The following ZNF44 variants were observed in gnomAD, a reference collection of about 807,000 sequenced individuals.
The protein encoded by ZNF44 is gonadotropin inducible transcription repressor-2.
Under a neutral mutation model 11.7 loss-of-function variants are expected in ZNF44, and 9 were observed. The ratio of observed to expected loss-of-function variants is 0.77; its 90% CI spans 0.46 to 1.35. The LOEUF is 1.35. Among genes scored for constraint, ZNF44 ranks in the 40% most tolerant of loss-of-function variants. The probability of loss-of-function intolerance (pLI) is 0.00; values close to 1 mark genes in which losing one functional copy is unlikely to be tolerated. For synonymous variants in ZNF44, 224 were observed against 242.7 expected, an observed-to-expected ratio of 0.92 and a Z score of 0.72; for missense variants, 696 against 743.1, an observed-to-expected ratio of 0.94 and a Z score of 0.74.
downstream of ZNF44, chr19:12,271,691 T>C (rs2145718545): frequency 6.6e-6 from 1 of 152,296 alleles, no homozygotes; most frequent in African/African-American, 2.4e-5. Context: ...AACAAGAAAC[T>C]GTAACATTAT....
chr19:12,268,616 C>T (rs1452900122), downstream of ZNF44, among the ~76,000 whole-genome samples: 1 of 152,170 alleles, frequency 6.6e-6, no homozygotes, highest in Non-Finnish European at 1.5e-5. Context: ...CAGGGTCTCA[C>T]TCTGTCACCC....
At chr19:12,254,582 A>C (rs1917162939) in intron 5 of ZNF44, among the ~76,000 whole-genome samples, 1 of 152,134 alleles carries the variant, frequency 6.6e-6, no homozygotes, top group Non-Finnish European at 1.5e-5. Flanking sequence ...AAAATACAAA[A>C]AAATCAGACA....
chr19:12,231,963 A>T (rs1454554480), intron 2 of ZNF44, among the ~76,000 whole-genome samples: 1 of 152,232 alleles, frequency 6.6e-6, no homozygotes, highest in African/African-American at 2.4e-5. Context: ...AGTTCAGCAT[A>T]TGGAGGATCC....
upstream of ZNF44, among the ~76,000 whole-genome samples, chr19:12,238,422 C>G (rs1332140404): frequency 2.0e-5 from 3 of 151,924 alleles, no homozygotes; most frequent in Non-Finnish European, 1.5e-5. Context: ...GTCAAGAGAT[C>G]AAGACTATCC....
chr19:12,286,503 G>A lies in ZNF44; in HGVS notation c.3+8189C>T, dbSNP rs555929851. 4.0e-5 allele frequency among the ~76,000 whole-genome samples: 6 copies of A among 151,890 alleles called. No homozygotes were observed. The East Asian group carries it at 7.8e-4, about 20-fold the overall frequency. ...ACAAAAATTAGCCGGGCGTGGTGGC[G>A]GGTGCCTGTAGTCCTAGCTGCTCGG... On this transcript the variant is annotated intron_variant, in intron 1 of 3. Transcript: ENST00000355684.
intron 1 of ZNF44, among the ~76,000 whole-genome samples, chr19:12,289,532 T>C (rs1213003501): frequency 6.6e-6 from 1 of 152,098 alleles, no homozygotes; most frequent in African/African-American, 2.4e-5. Context: ...TTTGTAATGT[T>C]GGTTGCTCTT....
chr19:12,274,959 T>C lies in ZNF44; in HGVS notation c.191+14A>G. On this transcript the variant is annotated intron_variant, in intron 3 of 3. Coordinates refer to ENST00000355684, the MANE Select transcript of ZNF44 (RefSeq NM_016264.4). ...CTGCAAGGACATCACCTGTCTCTTA[T>C]AAGTACAAATTACCTTGGATTTCTC... is the stretch of plus-strand genomic sequence containing the variant. The C allele has an allele frequency of 6.3e-7, 1 of 1,574,968 alleles. No individual in the cohort carries two copies. Among genetic ancestry groups the C allele is most frequent in the South Asian group, 1.2e-5 (1 of 85,256 alleles).
chr19:12,245,401 T>C (rs1393202237), downstream of ZNF44, among the ~76,000 whole-genome samples: 1 of 152,240 alleles, frequency 6.6e-6, no homozygotes, highest in East Asian at 1.9e-4. Context: ...AAATGCATTG[T>C]TTTTATCATG....
At chr19:12,235,595 G>T (rs1916354909) in intron 1 of ZNF44, among the ~76,000 whole-genome samples, 1 of 152,116 alleles carries the variant, frequency 6.6e-6, no homozygotes, top group African/African-American at 2.4e-5. Flanking sequence ...ATCTAAAAAT[G>T]TATAAAAAGA....
chr19:12,249,985 T>A (rs1195379046), exon 7 of ZNF44: 2 of 1,286,110 alleles, frequency 1.6e-6, no homozygotes, highest in African/African-American at 1.5e-5. Context: ...CACCTGAGAT[T>A]TCTCCCCTGG....
chr19:12,254,996 C>T (rs973906014), intron 5 of ZNF44, among the ~76,000 whole-genome samples: 10 of 151,660 alleles, frequency 6.6e-5, no homozygotes, highest in Admixed American at 2.0e-4. Context: ...GGCTGAGGCA[C>T]GGGAATCACT....
intron 5 of ZNF44, among the ~76,000 whole-genome samples, chr19:12,258,160 C>CCA: frequency 1.8e-5 from 1 of 55,900 alleles, no homozygotes; most frequent in Admixed American, 2.3e-4. Context: ...CTCATCTCTA[C>CCA]AAAAAAAAAA....
chr19:12,276,094 CAT>C lies in ZNF44; in HGVS notation c.4-14_4-13del. The C allele has an allele frequency of 1.9e-6, 3 of 1,598,842 alleles. No individual in the cohort carries two copies. Among genetic ancestry groups the C allele is most frequent in the Non-Finnish European group, 2.6e-6 (3 of 1,170,012 alleles). ...AAGGCCACTGAGTCCTGAAACATCCCATATGTCCAGAAAAGGAAGGTTGAAAC... is the reference window on the plus strand; with the variant it reads ...AAGGCCACTGAGTCCTGAAACATCCCATGTCCAGAAAAGGAAGGTTGAAAC... On this transcript the variant is annotated splice_polypyrimidine_tract_variant and intron_variant, in intron 1 of 3. Transcript: ENST00000355684.
intron 1 of ZNF44, among the ~76,000 whole-genome samples, chr19:12,287,636 A>G (rs796428524): frequency 9.2e-5 from 14 of 152,282 alleles, no homozygotes; most frequent in African/African-American, 3.4e-4. Flanking sequence ...AAAAGACACA[A>G]TTTCATTATT....
chr19:12,238,001 T>G (rs1026471984), upstream of ZNF44: 4 of 152,236 alleles, frequency 2.6e-5, no homozygotes, highest in African/African-American at 9.6e-5. Flanking sequence ...TGGAAGCTAC[T>G]GGGCTGGAAC....
Position 12,250,455 on chromosome 19 carries a change from G to A in ZNF44, c.1913-87C>T. On this transcript the variant is annotated intron_variant and NMD_transcript_variant, in intron 5 of 7. Coordinates refer to the ZNF44 transcript ENST00000393337. ...ACTCGAGTCATAAGATGTTCACGAT[G>A]ATTCTGTGATCTCCAGAGATTTATT... 6 of 1,108,674 alleles carry A rather than the reference G, an allele frequency of 5.4e-6. No individual in the cohort carries two copies. In the South Asian group the frequency reaches 7.5e-5, roughly 14 times the overall value. The allele number at this position is 1,108,674 out of a possible 1,614,324, so 68.7% of individuals were successfully genotyped here.
At chr19:12,243,207 A>C (rs556590537), downstream of ZNF44, among the ~76,000 whole-genome samples, 13 of 152,280 alleles carry the variant, frequency 8.5e-5, no homozygotes, top group African/African-American at 3.1e-4. Flanking sequence ...TTATGTTTTG[A>C]TGTATATATA....
At chr19:12,266,856 T>C (rs1400662271), downstream of ZNF44, among the ~76,000 whole-genome samples, 1 of 152,114 alleles carries the variant, frequency 6.6e-6, no homozygotes, top group Non-Finnish European at 1.5e-5. Context: ...GGGAATTGCA[T>C]TCTCAGTGGC....
At chr19:12,283,003 C>A (rs530322602) in intron 1 of ZNF44, among the ~76,000 whole-genome samples, 82 of 152,324 alleles carry the variant, frequency 5.4e-4, no homozygotes, top group African/African-American at 1.8e-3. Context: ...CCTCCAGCTT[C>A]TCCTAAACTT....
Sources: gnomAD v4.1 joint callset for allele counts (sites outside exome capture counted in the v4.1 genomes callset) on GRCh38, gnomAD v4.1.1 for gene constraint, MANE v1.5 for transcripts, NCBI Gene and HGNC (gene_info 2026-07-23, HGNC 2026-07-21) for gene names.